IL7: variants seen among roughly 807,000 people sequenced by gnomAD.
IL7 encodes interleukin-7.
IL7 carries 3 observed loss-of-function variants against 21.6 expected under a neutral mutation model. The ratio of observed to expected loss-of-function variants is 0.14; its 90% CI spans 0.06 to 0.36. The LOEUF is 0.36. Among genes scored for constraint, IL7 ranks in the 10% least tolerant of loss-of-function variants. The pLI is 1.00. For missense variants in IL7, 175 were observed against 200.2 expected, an observed-to-expected ratio of 0.87 and a Z score of 0.76; for synonymous variants, 62 against 68.1, an observed-to-expected ratio of 0.91 and a Z score of 0.44.
At chr8:78,754,749 A>G (rs1311796705) in intron 2 of IL7, among the ~76,000 whole-genome samples, 2 of 152,148 alleles carry the variant, frequency 1.3e-5, no homozygotes, top group African/African-American at 4.8e-5. Flanking sequence ...TTGTTGGATG[A>G]ATAATTTGCA....
At chr8:78,685,937 G>C (rs1392062740) in exon 4 of IL7, 1 of 152,360 alleles carries the variant, frequency 6.6e-6, no homozygotes, top group East Asian at 1.9e-4. Context: ...CATCTGGCGA[G>C]GGCCTTCTTG....
At chr8:78,711,054 ACATAATAGATGCT>A (rs1286970278) in intron 3 of IL7, among the ~76,000 whole-genome samples, 4 of 152,260 alleles carry the variant, frequency 2.6e-5, no homozygotes, top group East Asian at 1.9e-4. Flanking sequence ...AGTGCCTGAC[ACATAATAGATGCT>A]CATAATAGAT....
intron 4 of IL7, chr8:78,678,521 G>A (rs1809658936): frequency 6.6e-7 from 1 of 1,516,836 alleles, no homozygotes; most frequent in African/African-American, 1.4e-5. Context: ...CTTACCTTCT[G>A]TAGAAAAGAA....
In IL7 at chr8:78,760,780, T is replaced by C. The variant is rs568300355; in HGVS notation, c.148-20698A>G. The C allele has an allele frequency of 6.1e-4, 931 of 1,531,984 alleles. 3 individuals carry two copies. In the African/African-American group the frequency reaches 0.012, roughly 19 times the overall value. 94.9% of individuals were successfully genotyped at this position (1,531,984 alleles called of 1,614,324 possible). ...TGCGGAATTTCCCAGGGAGTTTCAT[T>C]TGAATATCAAGTTTGGTTGCCAAAT... is the stretch of plus-strand genomic sequence containing the variant. On this transcript the variant is annotated intron_variant, in intron 2 of 5. Transcript: ENST00000263851.
At chr8:78,735,276 C>CTTTTTTTTTTTTTTTTTTTTTTTTTTTT in intron 5 of IL7, among the ~76,000 whole-genome samples, 141 of 78,406 alleles carry the variant, frequency 1.8e-3, no homozygotes, top group East Asian at 2.2e-3. Flanking sequence ...CTTTTCTTTT[C>CTTTTTTTTTTTTTTTTTTTTTTTTTTTT]TTTTTTTTTT....
chr8:78,761,211 A>G (rs1812544125), intron 2 of IL7: 1 of 1,593,156 alleles, frequency 6.3e-7, no homozygotes, highest in African/African-American at 1.4e-5. Context: ...AAAAGAACAG[A>G]AATTACGTTG....
downstream of IL7, among the ~76,000 whole-genome samples, chr8:78,731,832 C>G (rs1354071017): frequency 6.6e-6 from 1 of 151,996 alleles, no homozygotes; most frequent in African/African-American, 2.4e-5. Context: ...CTCAAAAATT[C>G]AAATCTACTA....
intron 2 of IL7, among the ~76,000 whole-genome samples, chr8:78,768,105 C>A (rs1217222829): frequency 2.6e-5 from 4 of 152,118 alleles, no homozygotes; most frequent in Non-Finnish European, 4.4e-5. Flanking sequence ...TGAACTCATC[C>A]TTTTGTATGG....
At chr8:78,773,420 T>C (rs1393597730) in intron 2 of IL7, among the ~76,000 whole-genome samples, 1 of 152,076 alleles carries the variant, frequency 6.6e-6, no homozygotes, top group Non-Finnish European at 1.5e-5. Context: ...ATTCCTGCTG[T>C]CTTTAAATTT....
intron 3 of IL7, among the ~76,000 whole-genome samples, chr8:78,712,593 G>A (rs1378793793): frequency 6.6e-6 from 1 of 152,144 alleles, no homozygotes; most frequent in Non-Finnish European, 1.5e-5. Context: ...TTAGATGGTT[G>A]TAAATTCTGC....
chr8:78,682,027 G>A (rs1809804989), intron 4 of IL7, among the ~76,000 whole-genome samples: 1 of 151,484 alleles, frequency 6.6e-6, no homozygotes, highest in African/African-American at 2.4e-5. Flanking sequence ...ACAGGCATGA[G>A]CCGTCATACC....
chr8:78,734,030 A>T (rs1175398663), intron 5 of IL7, among the ~76,000 whole-genome samples, 198 bp from the exon 6 acceptor site: 1 of 152,180 alleles, frequency 6.6e-6, no homozygotes, highest in Non-Finnish European at 1.5e-5. Context: ...GGTTGGTGTG[A>T]TTAAAGACTT....
rs3953004 is a variant in IL7, at chr8:78,759,902, G to A, written c.148-19820C>T. Among the ~76,000 whole-genome samples, 44 of 152,208 alleles carry A rather than the reference G, an allele frequency of 2.9e-4. 1 individual carries two copies. The East Asian group carries it at 4.6e-3, about 16-fold the overall frequency. Reference sequence around the variant, plus strand: ...TTAACTGAAACAATTCCAGAGTGCCGTCAACAGAGATCACGCAAAAGGAAA... The same window carrying A: ...TTAACTGAAACAATTCCAGAGTGCCATCAACAGAGATCACGCAAAAGGAAA... On this transcript the variant is annotated intron_variant, in intron 2 of 5. Transcript: ENST00000263851.
At chr8:78,794,042 A>G (rs903785113) in intron 2 of IL7, among the ~76,000 whole-genome samples, 1 of 152,092 alleles carries the variant, frequency 6.6e-6, no homozygotes, top group Non-Finnish European at 1.5e-5. Context: ...TGCTATTTCT[A>G]CCATATCTGC....
intron 2 of IL7, chr8:78,761,670 C>G: frequency 1.2e-6 from 2 of 1,611,948 alleles, no homozygotes; most frequent in East Asian, 2.2e-5. Flanking sequence ...TCTCTCACTT[C>G]CCTGAGAGTT....
At chr8:78,756,995 CT>C (rs1343107674) in intron 2 of IL7, among the ~76,000 whole-genome samples, 2 of 151,798 alleles carry the variant, frequency 1.3e-5, no homozygotes, top group African/African-American at 2.4e-5. Context: ...TATTTGAAAT[CT>C]TTCCACTTTT....
At chr8:78,797,698 C>T (rs964409052) in intron 2 of IL7, 1 of 160,352 alleles carries the variant, frequency 6.2e-6, no homozygotes, top group African/African-American at 2.4e-5. Flanking sequence ...CATCTATTCA[C>T]CATAAGTCTT....
chr8:78,691,979 A>G (rs1054855478), intron 3 of IL7, among the ~76,000 whole-genome samples: 3 of 152,190 alleles, frequency 2.0e-5, no homozygotes, highest in African/African-American at 7.2e-5. Context: ...ACAATGTGCA[A>G]TGACTAAATC....
At chr8:78,788,521 G>T (rs976047151) in intron 2 of IL7, among the ~76,000 whole-genome samples, 2 of 151,854 alleles carry the variant, frequency 1.3e-5, no homozygotes, top group Admixed American at 6.6e-5. Context: ...CCAAATATTT[G>T]GGAATTTTCC....
Sources: allele counts gnomAD v4.1 joint callset (sites outside exome capture counted in the v4.1 genomes callset), GRCh38; gene constraint gnomAD v4.1.1; transcripts MANE v1.5; gene names NCBI Gene and HGNC (gene_info 2026-07-23, HGNC 2026-07-21).